Variants in AKAP13 observed in about 807,000 individuals in gnomAD.
The protein encoded by AKAP13 is A-kinase anchoring protein 13, also known as A-kinase anchor protein 13.
AKAP13 carries 80 observed loss-of-function variants against 264.5 expected under a neutral mutation model. The ratio of observed to expected loss-of-function variants is 0.30; its 90% confidence interval spans 0.25 to 0.36. AKAP13 has a LOEUF of 0.36. Ranked by LOEUF, AKAP13 falls within the 10% of genes least tolerant of loss-of-function variation. The pLI, the probability that AKAP13 is intolerant of heterozygous loss-of-function variation, is 1.00. For missense variants in AKAP13, 3,712 were observed against 3,435.2 expected (o/e 1.08, Z -2.01); for synonymous variants, 1,380 against 1,250.2 (o/e 1.10, Z -2.19).
chr15:85,393,828 T>C (rs2150813329), intron 1 of AKAP13, among the ~76,000 whole-genome samples: 1 of 152,360 alleles, frequency 6.6e-6, no homozygotes, highest in South Asian at 2.1e-4. Flanking sequence ...TTCACTTTGA[T>C]GTAATTATAT....
At chr15:85,461,628 G>T (rs568222390) in intron 1 of AKAP13, among the ~76,000 whole-genome samples, 2 of 151,728 alleles carry the variant, frequency 1.3e-5, no homozygotes, top group South Asian at 4.2e-4. Flanking sequence ...TGTTGTTGTT[G>T]GGGGAGGGGT....
At chr15:85,482,462 G>A (rs1370475707) in intron 1 of AKAP13, among the ~76,000 whole-genome samples, 2 of 152,170 alleles carry the variant, frequency 1.3e-5, no homozygotes, top group Non-Finnish European at 2.9e-5. Flanking sequence ...TGAGGAGTAT[G>A]GTGTCTGGCA....
At chr15:85,668,005 C>T (rs1295037234) in intron 13 of AKAP13, among the ~76,000 whole-genome samples, 1 of 152,118 alleles carries the variant, frequency 6.6e-6, no homozygotes, top group East Asian at 1.9e-4. Context: ...CTTAGCCTTC[C>T]TGGAATCTCT....
chr15:85,440,926 C>G (rs1382825256), intron 1 of AKAP13, among the ~76,000 whole-genome samples: 1 of 152,124 alleles, frequency 6.6e-6, no homozygotes, highest in Non-Finnish European at 1.5e-5. Flanking sequence ...ACTGTAGGGA[C>G]TGATATAGCA....
intron 8 of AKAP13, among the ~76,000 whole-genome samples, chr15:85,598,384 A>T (rs1200285659): frequency 6.6e-6 from 1 of 152,156 alleles, no homozygotes; most frequent in South Asian, 2.1e-4. Context: ...TTTTTCTCTC[A>T]TTCCACCCCG....
intron 1 of AKAP13, among the ~76,000 whole-genome samples, chr15:85,438,958 A>G (rs1359678986): frequency 2.1e-5 from 3 of 145,172 alleles, no homozygotes; most frequent in Non-Finnish European, 4.6e-5. Flanking sequence ...AAAAGCCAAA[A>G]TTGACAAATG....
chr15:85,708,021 T>C lies in AKAP13; in HGVS notation c.5467T>C (p.Cys1823Arg), dbSNP rs2086410507. The change falls in exon 18 of 37, where the codon TGC becomes CGC. Residue 1823 changes from cysteine (C) to arginine (R), a missense_variant and splice_region_variant. Physicochemically the swap from Cys to Arg is radical, Grantham distance 180. Around this residue, in one of 3 missense-constraint regions of AKAP13, gnomAD observed 2,759 missense variants for 2,411.7 expected, o/e 1.14. Coordinates refer to ENST00000394518, the MANE Select transcript of AKAP13 (RefSeq NM_007200.5). The surrounding 1 kb of genome is among the most constrained non-coding windows in gnomAD (Gnocchi z 4.3). The stretch of plus-strand genomic sequence containing the variant: ...CCTTGGGTTTGCTTTCTTTTCAGAT[T>C]GCAGTGCTTTTGTCCACAAAGGCTG... ...TNKDAYTCANCSAFVHKGCRE... is the reference protein window; with the variant it reads ...TNKDAYTCANRSAFVHKGCRE... 5 of 1,613,894 alleles carry C rather than the reference T, an allele frequency of 3.1e-6. No individual in the cohort carries two copies. In the East Asian group the frequency reaches 1.1e-4, roughly 36 times the overall value.
In AKAP13 at chr15:85,423,767, G is replaced by A. The variant is rs139428766; in HGVS notation, c.-12+42969G>A. ...CTTTGCCCAGATTCATCAGAGGATG[G>A]ATGGCAGGTCTAGGATTATGAAATT... On this transcript the variant is annotated intron_variant, in intron 1 of 36. Coordinates refer to ENST00000394518, the MANE Select transcript of AKAP13 (RefSeq NM_007200.5). Among the ~76,000 whole-genome samples, 310 of 152,320 alleles carry A rather than the reference G, an allele frequency of 2.0e-3. 3 individuals are homozygous for A. The highest frequency in any genetic ancestry group is 7.2e-3 in the African/African-American group (298 of 41,580).
chr15:85,668,059 A>G (rs2083700965), intron 13 of AKAP13, among the ~76,000 whole-genome samples: 1 of 152,174 alleles, frequency 6.6e-6, no homozygotes, highest in Non-Finnish European at 1.5e-5. Flanking sequence ...CAGAGTAGGC[A>G]TTTGAGCTGC....
intron 14 of AKAP13, among the ~76,000 whole-genome samples, chr15:85,671,832 A>G (rs1333289473): frequency 6.6e-6 from 1 of 152,170 alleles, no homozygotes; most frequent in Non-Finnish European, 1.5e-5. Context: ...AAGTGTCGTG[A>G]CATAGTGGAT....
intron 1 of AKAP13, among the ~76,000 whole-genome samples, chr15:85,387,834 C>T (rs576187548): frequency 6.6e-6 from 1 of 152,282 alleles, no homozygotes; most frequent in South Asian, 2.1e-4. Flanking sequence ...AATGATACTT[C>T]TCAATTTCCA....
intron 15 of AKAP13, 127 bp downstream of exon 15, chr15:85,682,339 G>T: frequency 2.1e-6 from 2 of 940,846 alleles, no homozygotes; most frequent in Non-Finnish European, 3.2e-6. Context: ...GATAAACTTG[G>T]AATAATGATT....
chr15:85,721,036 C>A (rs1479066874), intron 23 of AKAP13, among the ~76,000 whole-genome samples: 1 of 152,238 alleles, frequency 6.6e-6, no homozygotes, highest in Non-Finnish European at 1.5e-5. Context: ...CCATTTCTCT[C>A]TCTCTGCCCC....
chr15:85,722,116 G>C lies in AKAP13; in HGVS notation c.6378G>C (p.Lys2126Asn). The C allele has an allele frequency of 6.2e-7, 1 of 1,613,646 alleles. No individual in the cohort carries two copies. Among genetic ancestry groups the C allele is most frequent in the Non-Finnish European group, 8.5e-7 (1 of 1,179,796 alleles). Residue 2126 changes from lysine (K) to asparagine (N), a missense_variant and splice_region_variant, in exon 24 of 37, where the codon AAG (lysine) becomes AAC (asparagine). Physicochemically the swap from Lys to Asn is moderately conservative, Grantham distance 94 (BLOSUM62 0). Around this residue, in one of 3 missense-constraint regions of AKAP13, gnomAD observed 342 missense variants for 484.3 expected, o/e 0.71. Coordinates refer to ENST00000394518, the MANE Select transcript of AKAP13 (RefSeq NM_007200.5). ...AKDKRFQAFV[K>N]KKMSSSVVRR... ...ATAAGCGTTTTCAAGCCTTTGTAAAGGTATTGATAAGAAACATGAAAATCC... is the reference window on the plus strand; with the variant it reads ...ATAAGCGTTTTCAAGCCTTTGTAAACGTATTGATAAGAAACATGAAAATCC...
At chr15:85,680,608 T>G (rs2084536190) in intron 14 of AKAP13, among the ~76,000 whole-genome samples, 2 of 152,196 alleles carry the variant, frequency 1.3e-5, no homozygotes, top group African/African-American at 4.8e-5. Context: ...CTCACCCCTG[T>G]AATCCCAGCA....
In AKAP13 at chr15:85,645,926, A is replaced by T; in HGVS notation, c.4346A>T (p.Asp1449Val). ...TCTGACCTCTTTCACTCACCCAGTGATGACATGGACAGCATCATCTTCCCA... is the reference window on the plus strand; with the variant it reads ...TCTGACCTCTTTCACTCACCCAGTGTTGACATGGACAGCATCATCTTCCCA... ...SDSDLFHSPS[D>V]DMDSIIFPKP... Residue 1449 changes from aspartate to valine, a missense_variant, in exon 10 of 37, where the codon GAT (aspartate) becomes GTT (valine). Transcript: ENST00000394518. 6.2e-7 allele frequency: 1 copy of T among 1,613,898 alleles called. No individual in the cohort carries two copies. Among genetic ancestry groups the T allele is most frequent in the South Asian group, 1.1e-5 (1 of 91,074 alleles).
At chr15:85,529,389 C>T (rs773815578) in intron 3 of AKAP13, among the ~76,000 whole-genome samples, 3 of 152,110 alleles carry the variant, frequency 2.0e-5, no homozygotes, top group African/African-American at 4.8e-5. Context: ...CCACTGCACT[C>T]CAGCCTGGGA....
intron 33 of AKAP13, among the ~76,000 whole-genome samples, chr15:85,738,245 A>C (rs2088685443): frequency 6.6e-6 from 1 of 151,902 alleles, no homozygotes; most frequent in Admixed American, 6.6e-5. Context: ...TAAAAATATT[A>C]GCCAGGCATG....
chr15:85,384,663 G>T (rs926922826), intron 1 of AKAP13, among the ~76,000 whole-genome samples: 3 of 150,306 alleles, frequency 2.0e-5, no homozygotes, highest in Non-Finnish European at 4.4e-5. Context: ...GTTGCAATGA[G>T]CCGAGATCAT....
Sources: allele counts gnomAD v4.1 joint callset (sites outside exome capture counted in the v4.1 genomes callset), GRCh38; gene constraint gnomAD v4.1.1; regional missense constraint gnomAD v4.1.1; non-coding constraint Gnocchi (gnomAD v3.1); transcripts MANE v1.5; gene names NCBI Gene and HGNC (gene_info 2026-07-23, HGNC 2026-07-21).